Variants in SLCO2A1 observed in about 807,000 individuals in gnomAD.
SLCO2A1 encodes the protein solute carrier organic anion transporter family member 2A1.
SLCO2A1 carries 60 observed loss-of-function variants against 71.7 expected under a neutral mutation model. The ratio of observed to expected loss-of-function variants is 0.84; its 90% CI spans 0.68 to 1.04. SLCO2A1 has a LOEUF of 1.04. SLCO2A1 is among the 50% of genes least tolerant of loss of function. The pLI, the probability that SLCO2A1 is intolerant of heterozygous loss-of-function variation, is 0.00. For missense variants in SLCO2A1, 745 were observed against 813.4 expected, an observed-to-expected ratio of 0.92 and a Z score of 1.02; for synonymous variants, 308 against 326.7, an observed-to-expected ratio of 0.94 and a Z score of 0.62.
chr3:133,987,406 A>G (rs1224964132), intron 1 of SLCO2A1, among the ~76,000 whole-genome samples: 1 of 151,896 alleles, frequency 6.6e-6, no homozygotes, highest in Non-Finnish European at 1.5e-5. Flanking sequence ...ACAACCTCTT[A>G]TCGCAACCCA....
At chr3:133,964,183 G>A (rs1193014848) in intron 3 of SLCO2A1, among the ~76,000 whole-genome samples, 1 of 152,190 alleles carries the variant, frequency 6.6e-6, no homozygotes, top group Non-Finnish European at 1.5e-5. Context: ...GGCACATTGT[G>A]GGGCAATGGA....
In SLCO2A1 at chr3:133,945,146, G is replaced by C; in HGVS notation, c.1410C>G (p.Cys470Trp). ...TGTTGATGTTGCTGCAGCCGGCATG[G>C]CAAGGGGAGAGGTACTCGATTCCAT... ...GDNGIEYLSP[C>W]HAGCSNINMS... is the part of the protein sequence containing the mutation. Residue 470 changes from cysteine (C) to tryptophan (W), a missense_variant, in exon 10 of 14, where the codon TGC becomes TGG. Coordinates refer to ENST00000310926, the MANE Select transcript of SLCO2A1 (RefSeq NM_005630.3). The C allele has an allele frequency of 6.2e-7, 1 of 1,614,066 alleles. No individual in the cohort carries two copies. The highest frequency in any genetic ancestry group is 8.5e-7 in the Non-Finnish European group (1 of 1,179,966).
At chr3:133,962,527 C>A (rs1429846656) in intron 3 of SLCO2A1, among the ~76,000 whole-genome samples, 1 of 152,180 alleles carries the variant, frequency 6.6e-6, no homozygotes, top group East Asian at 1.9e-4. Flanking sequence ...TGAGCACCAA[C>A]CCCGTGGGCA....
At chr3:133,982,146 A>T (rs772731790) in intron 1 of SLCO2A1, among the ~76,000 whole-genome samples, 1 of 152,200 alleles carries the variant, frequency 6.6e-6, no homozygotes, top group Non-Finnish European at 1.5e-5. Context: ...GGGATTTGTC[A>T]ACGTTCTGTC....
intron 1 of SLCO2A1, among the ~76,000 whole-genome samples, chr3:134,026,540 C>A (rs1576465383): frequency 6.6e-6 from 1 of 151,962 alleles, no homozygotes; most frequent in African/African-American, 2.4e-5. Flanking sequence ...ATAAATGGCC[C>A]CCTGAGAAAA....
chr3:134,002,430 G>C lies in SLCO2A1; in HGVS notation c.97-22812C>G, dbSNP rs148048688. ...CCTGAAGTTCCTCCCATCAATGACA[G>C]CTCCTACATTTAGAAGCTCATGTTC... On this transcript the variant is annotated intron_variant, in intron 1 of 13. Coordinates refer to ENST00000310926, the MANE Select transcript of SLCO2A1 (RefSeq NM_005630.3). Among the ~76,000 whole-genome samples the C allele has an allele frequency of 5.2e-3, 790 of 152,290 alleles. 9 individuals carry two copies. The highest frequency in any genetic ancestry group is 0.015 in the African/African-American group (633 of 41,552).
chr3:133,984,230 C>T (rs1392948460), intron 1 of SLCO2A1, among the ~76,000 whole-genome samples: 7 of 152,136 alleles, frequency 4.6e-5, no homozygotes, highest in African/African-American at 1.2e-4. Flanking sequence ...CCTCTAAGTA[C>T]AGAAATTCCC....
chr3:133,985,866 C>T (rs1176653396), intron 1 of SLCO2A1, among the ~76,000 whole-genome samples: 1 of 152,202 alleles, frequency 6.6e-6, no homozygotes, highest in African/African-American at 2.4e-5. Flanking sequence ...GGTCTGTCTG[C>T]AATCATTTAT....
chr3:133,979,433 C>A (rs752223532), intron 2 of SLCO2A1, 48 bp downstream of exon 2: 4 of 1,612,270 alleles, frequency 2.5e-6, no homozygotes, highest in Non-Finnish European at 3.4e-6. Context: ...ATCTTGTGGT[C>A]AGCGTGGTGC....
At position 133,991,486 on chromosome 3, in the gene SLCO2A1, A is replaced by G. The variant is rs371695645; in HGVS notation, c.97-11868T>C. Reference sequence around the variant, plus strand: ...ACAAGATAAAGTTCAGAGATTTAAAATAGCCAGCCTGGGGTCAAAGTTGGT... The same window carrying G: ...ACAAGATAAAGTTCAGAGATTTAAAGTAGCCAGCCTGGGGTCAAAGTTGGT... On this transcript the variant is annotated intron_variant, in intron 1 of 13. Coordinates refer to ENST00000310926, the MANE Select transcript of SLCO2A1 (RefSeq NM_005630.3). Among the ~76,000 whole-genome samples the G allele has an allele frequency of 1.3e-4, 20 of 152,374 alleles. 1 individual carries two copies. Among genetic ancestry groups the G allele is most frequent in the African/African-American group, 2.6e-4 (11 of 41,588 alleles).
chr3:134,026,857 T>C (rs983015753), intron 1 of SLCO2A1, among the ~76,000 whole-genome samples: 4 of 152,230 alleles, frequency 2.6e-5, no homozygotes, highest in African/African-American at 9.6e-5. Flanking sequence ...TTAAGAGATA[T>C]GACAAAACTG....
intron 1 of SLCO2A1, among the ~76,000 whole-genome samples, chr3:133,988,233 A>T (rs1024505221): frequency 6.6e-6 from 1 of 152,168 alleles, no homozygotes; most frequent in African/African-American, 2.4e-5. Context: ...ACATTTTACA[A>T]CCTATTCCCT....
chr3:133,959,287 C>A (rs114004430), intron 3 of SLCO2A1, among the ~76,000 whole-genome samples: 55 of 152,022 alleles, frequency 3.6e-4, no homozygotes, highest in African/African-American at 1.3e-3. Flanking sequence ...CCTAACAAAC[C>A]CTGTGGTCCA....
chr3:134,019,300 G>T (rs1263933340), intron 1 of SLCO2A1, among the ~76,000 whole-genome samples: 1 of 152,078 alleles, frequency 6.6e-6, no homozygotes, highest in Non-Finnish European at 1.5e-5. Flanking sequence ...CACCTGATAG[G>T]GTTGTAATGA....
intron 3 of SLCO2A1, among the ~76,000 whole-genome samples, chr3:133,963,012 A>G (rs905742952): frequency 6.6e-6 from 1 of 152,160 alleles, no homozygotes; most frequent in African/African-American, 2.4e-5. Flanking sequence ...TTTTTCCCAT[A>G]GAACACCAGA....
chr3:134,007,145 A>G (rs982689563), intron 1 of SLCO2A1, among the ~76,000 whole-genome samples: 2 of 152,180 alleles, frequency 1.3e-5, no homozygotes, highest in African/African-American at 4.8e-5. Flanking sequence ...TGTCTATTCA[A>G]GTCCTTTGCC....
chr3:133,934,614 A>G lies in SLCO2A1; in HGVS notation c.*99T>C, dbSNP rs1156623967. The G allele has an allele frequency of 1.1e-6, 1 of 883,124 alleles. No individual in the cohort carries two copies. Among genetic ancestry groups the G allele is most frequent in the African/African-American group, 1.7e-5 (1 of 59,844 alleles). The allele number at this position is 883,124 out of a possible 1,614,324, so 54.7% of individuals were successfully genotyped here. A position where few individuals can be genotyped will look rare whatever the true frequency, so the allele number is the denominator to read the frequency against. On this transcript the variant is annotated 3_prime_UTR_variant, in exon 14 of 14. Coordinates refer to ENST00000310926, the MANE Select transcript of SLCO2A1 (RefSeq NM_005630.3). ...ACTGGGGTTTTCTTTCTTGTTTAAAAATACAAAAAGGAAATGACGTGTTAA... is the reference window on the plus strand; with the variant it reads ...ACTGGGGTTTTCTTTCTTGTTTAAAGATACAAAAAGGAAATGACGTGTTAA...
intron 1 of SLCO2A1, among the ~76,000 whole-genome samples, chr3:134,026,031 C>G (rs1173884772): frequency 2.0e-5 from 3 of 152,136 alleles, no homozygotes; most frequent in Non-Finnish European, 4.4e-5. Flanking sequence ...GATCAATGAC[C>G]ATGGGAAGCC....
At chr3:133,965,146 G>T (rs1022788449) in intron 3 of SLCO2A1, among the ~76,000 whole-genome samples, 8 of 152,180 alleles carry the variant, frequency 5.3e-5, no homozygotes, top group South Asian at 4.1e-4. Flanking sequence ...AACCGTTAGC[G>T]GAGCCAACAT....
Sources: gnomAD v4.1 joint callset for allele counts (sites outside exome capture counted in the v4.1 genomes callset) on GRCh38, gnomAD v4.1.1 for gene constraint, MANE v1.5 for transcripts, NCBI Gene and HGNC (gene_info 2026-07-23, HGNC 2026-07-21) for gene names.